The following CHN2 variants were observed in gnomAD, a reference collection of about 807,000 sequenced individuals.
The protein encoded by CHN2 is chimerin 2.
A neutral mutation model predicts 56.3 loss-of-function variants in CHN2; 35 were observed. The ratio of observed to expected loss-of-function variants is 0.62; its 90% CI spans 0.47 to 0.82. CHN2 has a LOEUF of 0.82. Among genes scored for constraint, CHN2 ranks in the 40% least tolerant of loss-of-function variants. The pLI is 0.00. For synonymous variants in CHN2, 210 were observed against 212.8 expected (o/e 0.99, Z 0.12); for missense variants, 491 against 580.5 (o/e 0.85, Z 1.58).
chr7:29,466,293 T>G (rs927957730), intron 6 of CHN2, among the ~76,000 whole-genome samples: 3 of 152,180 alleles, frequency 2.0e-5, no homozygotes, highest in Non-Finnish European at 4.4e-5. Context: ...AGCTATACTC[T>G]ACATATTGAG....
intron 2 of CHN2, among the ~76,000 whole-genome samples, chr7:29,166,638 A>G (rs574587690): frequency 6.6e-6 from 1 of 152,210 alleles, no homozygotes; most frequent in Admixed American, 6.5e-5. Context: ...AAGTTGTCAA[A>G]TATTATGGCA....
chr7:29,497,009 C>T (rs1474164749), intron 8 of CHN2, among the ~76,000 whole-genome samples: 2 of 152,154 alleles, frequency 1.3e-5, no homozygotes, highest in African/African-American at 4.8e-5. Flanking sequence ...CCCATTTTGG[C>T]TCACAGCATC....
chr7:29,292,350 C>G (rs976990874), intron 1 of CHN2, among the ~76,000 whole-genome samples: 1 of 152,092 alleles, frequency 6.6e-6, no homozygotes, highest in Non-Finnish European at 1.5e-5. Flanking sequence ...TATAATGGAA[C>G]TCAGGTTTCA....
At chr7:29,453,226 G>A (rs1202159608) in intron 6 of CHN2, among the ~76,000 whole-genome samples, 1 of 152,144 alleles carries the variant, frequency 6.6e-6, no homozygotes. Context: ...AAGATAGAAG[G>A]GCCTGCTGAG....
intron 3 of CHN2, among the ~76,000 whole-genome samples, chr7:29,375,718 C>T (rs982709936): frequency 3.3e-5 from 5 of 152,070 alleles, no homozygotes; most frequent in Admixed American, 6.5e-5. Flanking sequence ...TGGATCCAAA[C>T]TGAGACACAA....
chr7:29,431,348 C>T (rs1434017222), intron 6 of CHN2, among the ~76,000 whole-genome samples: 1 of 152,184 alleles, frequency 6.6e-6, no homozygotes, highest in Non-Finnish European at 1.5e-5. Flanking sequence ...TTAAATCTCT[C>T]CTCCCTTAGC....
intron 6 of CHN2, among the ~76,000 whole-genome samples, chr7:29,477,990 G>C (rs1259145524): frequency 6.6e-6 from 1 of 152,204 alleles, no homozygotes; most frequent in African/African-American, 2.4e-5. Context: ...GTCACAGTGA[G>C]TTCTCAGTGT....
intron 3 of CHN2, among the ~76,000 whole-genome samples, chr7:29,373,807 A>G (rs2128047767): frequency 6.6e-6 from 1 of 152,322 alleles, no homozygotes. Context: ...TTGATTGACC[A>G]TATCATTTTC....
At chr7:29,267,177 C>T (rs867361939) in intron 1 of CHN2, among the ~76,000 whole-genome samples, 53 of 151,984 alleles carry the variant, frequency 3.5e-4, no homozygotes, top group African/African-American at 1.2e-3. Flanking sequence ...CAATGCACAA[C>T]GCTGTATCTT....
intron 7 of CHN2, among the ~76,000 whole-genome samples, chr7:29,491,104 T>G (rs1242765840): frequency 1.3e-5 from 2 of 152,196 alleles, no homozygotes; most frequent in East Asian, 3.8e-4. Context: ...TAAATCTCTA[T>G]TATCTCTATC....
chr7:29,216,508 C>G (rs1007479882), intron 1 of CHN2, among the ~76,000 whole-genome samples: 1 of 152,198 alleles, frequency 6.6e-6, no homozygotes, highest in Non-Finnish European at 1.5e-5. Context: ...ACATTTCTTT[C>G]TTTGTCACTT....
intron 2 of CHN2, among the ~76,000 whole-genome samples, chr7:29,188,436 T>A (rs1365430753): frequency 1.3e-5 from 2 of 152,214 alleles, no homozygotes; most frequent in East Asian, 3.8e-4. Flanking sequence ...CTGGAATATT[T>A]GTAAAAGGCC....
chr7:29,196,662 A>G (rs1052139884), intron 1 of CHN2, among the ~76,000 whole-genome samples: 3 of 152,368 alleles, frequency 2.0e-5, no homozygotes, highest in Admixed American at 6.5e-5. Flanking sequence ...GTGGTGTCAC[A>G]TGATTTACTG....
intron 2 of CHN2, among the ~76,000 whole-genome samples, chr7:29,364,869 A>G (rs1427043859): frequency 6.6e-6 from 1 of 152,186 alleles, no homozygotes; most frequent in South Asian, 2.1e-4. Context: ...CTGAAGGTAA[A>G]TGCTTTTATT....
chr7:29,472,679 TG>T (rs1005497277), intron 6 of CHN2, among the ~76,000 whole-genome samples: 13 of 151,496 alleles, frequency 8.6e-5, no homozygotes, highest in African/African-American at 2.9e-4. Context: ...AAAATGGGCA[TG>T]TTTTTTTTTT....
chr7:29,455,657 G>T (rs1374309443), intron 6 of CHN2, among the ~76,000 whole-genome samples: 1 of 152,222 alleles, frequency 6.6e-6, no homozygotes, highest in Admixed American at 6.5e-5. Flanking sequence ...AGCCATGCCT[G>T]TGGTGAACAA....
chr7:29,255,657 G>T (rs910676130), intron 1 of CHN2, among the ~76,000 whole-genome samples: 1 of 152,230 alleles, frequency 6.6e-6, no homozygotes, highest in Non-Finnish European at 1.5e-5. Context: ...AAGACGGCAA[G>T]CTGGGTGACT....
intron 1 of CHN2, among the ~76,000 whole-genome samples, chr7:29,237,869 C>T (rs933635214): frequency 6.6e-6 from 1 of 152,156 alleles, no homozygotes; most frequent in African/African-American, 2.4e-5. Flanking sequence ...ATCCTTTGTA[C>T]GTGCTTCCGA....
Position 29,259,617 on chromosome 7 carries a change from G to A in CHN2, c.49+64627G>A, listed in dbSNP as rs1789382766. On this transcript the variant is annotated intron_variant, in intron 1 of 12. Coordinates refer to ENST00000222792, the MANE Select transcript of CHN2 (RefSeq NM_004067.4). Reference sequence around the variant, plus strand: ...AAGTTGGTACAAACTTCAGTTATAAGATAAATAAATTCTGGGGACCTAACA... The same window carrying A: ...AAGTTGGTACAAACTTCAGTTATAAAATAAATAAATTCTGGGGACCTAACA... 6.6e-5 allele frequency among the ~76,000 whole-genome samples: 10 copies of A among 152,184 alleles called. No homozygotes were observed. The South Asian group carries it at 2.1e-3, about 32-fold the overall frequency.
Sources: gnomAD v4.1 joint callset for allele counts (sites outside exome capture counted in the v4.1 genomes callset) on GRCh38, gnomAD v4.1.1 for gene constraint, MANE v1.5 for transcripts, NCBI Gene and HGNC (gene_info 2026-07-23, HGNC 2026-07-21) for gene names.